Variants in ADAMTSL2 observed in about 807,000 individuals in gnomAD.
ADAMTSL2 encodes ADAMTS like 2.
ADAMTSL2 carries 55 observed loss-of-function variants against 117.0 expected under a neutral mutation model. That is an observed-to-expected ratio of 0.47 (90% confidence interval 0.38 to 0.59). ADAMTSL2 has a LOEUF of 0.59. ADAMTSL2 is among the 20% of genes least tolerant of loss of function. ADAMTSL2 has a pLI of 0.00. For missense variants in ADAMTSL2, 1,182 were observed against 1,354.5 expected (o/e 0.87, Z 2.00); for synonymous variants, 572 against 566.4 (o/e 1.01, Z -0.14).
At chr9:133,564,584 GA>G (rs1303816205) in intron 12 of ADAMTSL2, among the ~76,000 whole-genome samples, 95 of 90,720 alleles carry the variant, frequency 1.0e-3, no homozygotes, top group Non-Finnish European at 1.2e-3. Flanking sequence ...GAGAGAGAAG[GA>G]GAGAGAGAGG....
chr9:133,563,872 AGAGAGAGAGAGAGG>A (rs1830819918), intron 12 of ADAMTSL2, among the ~76,000 whole-genome samples: 1 of 64,200 alleles, frequency 1.6e-5, no homozygotes, highest in East Asian at 3.7e-4. Context: ...AGGGAGAGAG[AGAGAGAGAGAGAGG>A]GAGAGAGAGA....
intron 9 of ADAMTSL2, among the ~76,000 whole-genome samples, chr9:133,547,642 C>T (rs1016726885): frequency 6.6e-6 from 1 of 152,176 alleles, no homozygotes; most frequent in South Asian, 2.1e-4. Flanking sequence ...ACAGGGAGCT[C>T]GGGGCATTAA....
At chr9:133,570,655 C>A in intron 17 of ADAMTSL2, 148 bp downstream of exon 17, 1 of 885,718 alleles carries the variant, frequency 1.1e-6, no homozygotes, top group Non-Finnish European at 1.8e-6. Context: ...GAAAGCTTCT[C>A]AACTCCACCA....
chr9:133,541,678 G>A (rs555698507), intron 7 of ADAMTSL2, among the ~76,000 whole-genome samples: 8 of 152,238 alleles, frequency 5.3e-5, no homozygotes, highest in Non-Finnish European at 8.8e-5. Context: ...TGGATTCTGG[G>A]GCCTGAGTTT....
chr9:133,538,199 T>C, intron 3 of ADAMTSL2, 150 bp from the exon 4 acceptor site: 1 of 847,900 alleles, frequency 1.2e-6, no homozygotes, highest in Admixed American at 1.8e-5. Flanking sequence ...CTCTGGTGTG[T>C]GTACGGGGTG....
chr9:133,534,863 C>G lies in ADAMTSL2; in HGVS notation c.-205C>G. ...GCACAGCGCACCTGGCGCCGTCTGCCCTCCGCAGCGCTCGCCCCTTTCTCT... is the reference window on the plus strand; with the variant it reads ...GCACAGCGCACCTGGCGCCGTCTGCGCTCCGCAGCGCTCGCCCCTTTCTCT... On this transcript the variant is annotated 5_prime_UTR_variant, in exon 1 of 19. Coordinates refer to ENST00000651351, the MANE Select transcript of ADAMTSL2 (RefSeq NM_014694.4). 1 of 1,488,834 alleles carries G rather than the reference C, an allele frequency of 6.7e-7. No individual in the cohort carries two copies. The highest frequency in any genetic ancestry group is 9.0e-7 in the Non-Finnish European group (1 of 1,114,724). 92.2% of individuals were successfully genotyped at this position (1,488,834 alleles called of 1,614,324 possible). A position where few individuals can be genotyped will look rare whatever the true frequency, so the allele number is the denominator to read the frequency against.
intron 12 of ADAMTSL2, among the ~76,000 whole-genome samples, chr9:133,564,694 G>A (rs66888900): frequency 0.13 from 17,068 of 131,344 alleles, 735 homozygotes; most frequent in African/African-American, 0.14. Context: ...GAGGGAGAGG[G>A]AGAGAGAGAG....
chr9:133,573,515 C>T (rs371416057), intron 17 of ADAMTSL2, among the ~76,000 whole-genome samples: 85 of 151,500 alleles, frequency 5.6e-4, no homozygotes, highest in African/African-American at 1.8e-3. Flanking sequence ...ATCCTCCTGA[C>T]GGCCAGCTAG....
At chr9:133,559,838 C>A (rs1268643280) in intron 11 of ADAMTSL2, among the ~76,000 whole-genome samples, 1 of 152,166 alleles carries the variant, frequency 6.6e-6, no homozygotes, top group Non-Finnish European at 1.5e-5. Flanking sequence ...GTCCCCATGC[C>A]TTCTCCCTTC....
intron 17 of ADAMTSL2, among the ~76,000 whole-genome samples, chr9:133,572,649 G>T (rs1831134775): frequency 6.6e-6 from 1 of 152,178 alleles, no homozygotes; most frequent in South Asian, 2.1e-4. Context: ...GATGAAGCGG[G>T]GACCCCAGAA....
chr9:133,574,082 T>G, intron 18 of ADAMTSL2, 95 bp downstream of exon 18: 2 of 1,483,490 alleles, frequency 1.3e-6, no homozygotes, highest in Non-Finnish European at 1.8e-6. Context: ...TTGCTCACCT[T>G]GATGGCGAGC....
rs940560546 is a variant in ADAMTSL2 at position 133,554,157 on chromosome 9, C to T, written c.940-200C>T. Among the ~76,000 whole-genome samples, 1 of 152,244 alleles carries T rather than the reference C, an allele frequency of 6.6e-6. No homozygotes were observed. The highest frequency in any genetic ancestry group is 1.5e-5 in the Non-Finnish European group (1 of 68,036). ...CCCACCACACATCCCCAGCCCCCGC[C>T]CTGTTCCCAGGCTCTTTGACTTGGA... On this transcript the variant is annotated intron_variant, in intron 9 of 18. Transcript: ENST00000651351. This position sits in a 1 kb window ranked among gnomAD's most constrained non-coding sequence, Gnocchi z 5.2.
intron 12 of ADAMTSL2, 83 bp from the exon 13 acceptor site, chr9:133,566,853 G>A (rs1830985290): frequency 1.3e-6 from 2 of 1,539,312 alleles, no homozygotes; most frequent in Admixed American, 3.9e-5. Context: ...GAGGTCAGGT[G>A]ACTTGCCCCA....
chr9:133,553,394 C>A (rs1023035482), intron 9 of ADAMTSL2, among the ~76,000 whole-genome samples: 5 of 152,156 alleles, frequency 3.3e-5, no homozygotes, highest in African/African-American at 9.7e-5. Flanking sequence ...TCTTTCTCTG[C>A]GGCTGCGCAG....
At chr9:133,539,911 G>A in intron 5 of ADAMTSL2, 38 bp downstream of exon 5, 1 of 1,542,336 alleles carries the variant, frequency 6.5e-7, no homozygotes, top group South Asian at 1.2e-5. Context: ...GCAGGGAGCT[G>A]ACTGAGCTTT....
At chr9:133,573,767 C>T in intron 17 of ADAMTSL2, 76 bp from the exon 18 acceptor site, 2 of 1,585,020 alleles carry the variant, frequency 1.3e-6, no homozygotes, top group East Asian at 4.5e-5. Context: ...GGGGAGTGTG[C>T]AGGTTCCCCG....
In ADAMTSL2 at chr9:133,575,000, G is replaced by C; in HGVS notation, c.*136G>C. The C allele has an allele frequency of 1.4e-6, 1 of 699,700 alleles. No individual in the cohort carries two copies. Among genetic ancestry groups the C allele is most frequent in the East Asian group, 2.7e-5 (1 of 36,980 alleles). The allele number at this position is 699,700 out of a possible 1,614,324, so 43.3% of individuals were successfully genotyped here. On this transcript the variant is annotated 3_prime_UTR_variant, in exon 19 of 19. Coordinates refer to ENST00000651351, the MANE Select transcript of ADAMTSL2 (RefSeq NM_014694.4). Reference sequence around the variant, plus strand: ...GACGTGGCACTGAGCCTCGGCTGTCGAGAGGGGACTTCCCACGGCCCGTGG... The same window carrying C: ...GACGTGGCACTGAGCCTCGGCTGTCCAGAGGGGACTTCCCACGGCCCGTGG...
At chr9:133,572,800 A>AT (rs1377178012) in intron 17 of ADAMTSL2, among the ~76,000 whole-genome samples, 1 of 152,138 alleles carries the variant, frequency 6.6e-6, no homozygotes, top group Non-Finnish European at 1.5e-5. Flanking sequence ...ATGCCGGTGC[A>AT]TAGCGGCGGC....
Position 133,534,726 on chromosome 9 carries a change from A to G in ADAMTSL2, c.-342A>G. Reference sequence around the variant, plus strand: ...GCCACTGGGCTGCGCCCCTCCCGGGAACCCCCTCTCTTGGATGCTCTTTGA... The same window carrying G: ...GCCACTGGGCTGCGCCCCTCCCGGGGACCCCCTCTCTTGGATGCTCTTTGA... On this transcript the variant is annotated 5_prime_UTR_variant, in exon 1 of 19. Transcript: ENST00000651351. 2 of 1,382,916 alleles carry G rather than the reference A, an allele frequency of 1.4e-6. No homozygotes were observed. The highest frequency in any genetic ancestry group is 1.9e-6 in the Non-Finnish European group (2 of 1,061,960). The allele number at this position is 1,382,916 out of a possible 1,614,324, so 85.7% of individuals were successfully genotyped here. A position where few individuals can be genotyped will look rare whatever the true frequency, so the allele number is the denominator to read the frequency against.
Sources: allele counts gnomAD v4.1 joint callset (sites outside exome capture counted in the v4.1 genomes callset), GRCh38; gene constraint gnomAD v4.1.1; non-coding constraint Gnocchi (gnomAD v3.1); transcripts MANE v1.5; gene names NCBI Gene and HGNC (gene_info 2026-07-23, HGNC 2026-07-21).